The following RTL4 variants were observed in gnomAD, a reference collection of about 807,000 sequenced individuals.
The protein encoded by RTL4 is retrotransposon Gag like 4.
A neutral mutation model predicts 5.3 loss-of-function variants in RTL4; 4 were observed. The observed-to-expected ratio is 0.75, with a 90% confidence interval of 0.37 to 1.72. RTL4 has a LOEUF of 1.72. Ranked by LOEUF, RTL4 falls within the 40% of genes most tolerant of loss-of-function variation. RTL4 has a pLI of 0.04. For missense variants in RTL4, 260 were observed against 227.1 expected, an observed-to-expected ratio of 1.14 and a Z score of -0.93; for synonymous variants, 98 against 87.3, an observed-to-expected ratio of 1.12 and a Z score of -0.68.
the RTL4 span, among the ~76,000 whole-genome samples, chrX:112,184,381 G>A: frequency 9.0e-6 from 1 of 111,695 alleles, no homozygotes; most frequent in Non-Finnish European, 1.9e-5. Flanking sequence ...AAAAGGAAAA[G>A]AATTGTATTC....
the RTL4 span, among the ~76,000 whole-genome samples, chrX:112,353,926 C>A: frequency 7.0e-4 from 78 of 111,149 alleles, 1 homozygote; most frequent in African/African-American, 2.4e-3. Flanking sequence ...TAAAATTAAT[C>A]AGCAAATAAT....
chrX:112,256,735 C>A, the RTL4 span, among the ~76,000 whole-genome samples: 1 of 111,882 alleles, frequency 8.9e-6, no homozygotes. Context: ...GAGACTTACA[C>A]TTCTGTTGTT....
the RTL4 span, among the ~76,000 whole-genome samples, chrX:112,390,844 T>C: frequency 8.9e-6 from 1 of 112,104 alleles, no homozygotes; most frequent in Non-Finnish European, 1.9e-5. Flanking sequence ...CTGTATTTTC[T>C]GAATTTGACT....
At chrX:112,260,529 A>T in the RTL4 span, among the ~76,000 whole-genome samples, 635 of 111,678 alleles carry the variant, frequency 5.7e-3, 2 homozygotes, top group African/African-American at 0.019. Context: ...ATGGTTTTAA[A>T]AGGGGGATGG....
the RTL4 span, among the ~76,000 whole-genome samples, chrX:112,448,669 G>A: frequency 9.0e-6 from 1 of 111,293 alleles, no homozygotes; most frequent in Non-Finnish European, 1.9e-5. Flanking sequence ...TTCATGGAGA[G>A]ACTCGTCCCA....
the RTL4 span, among the ~76,000 whole-genome samples, chrX:112,193,451 A>G: frequency 9.0e-6 from 1 of 110,876 alleles, no homozygotes; most frequent in Non-Finnish European, 1.9e-5. Context: ...TACCTTTCTG[A>G]TGTTTTGTAT....
the RTL4 span, among the ~76,000 whole-genome samples, chrX:112,238,398 T>C: frequency 6.3e-5 from 7 of 111,947 alleles, no homozygotes; most frequent in African/African-American, 2.3e-4. Context: ...GATTGATATA[T>C]ACAGATCTAG....
chrX:112,294,136 G>GATA, the RTL4 span, among the ~76,000 whole-genome samples: 1 of 111,926 alleles, frequency 8.9e-6, no homozygotes, highest in Non-Finnish European at 1.9e-5. Context: ...ATATTTTGTA[G>GATA]ATAATTATGG....
At chrX:112,340,093 T>C in the RTL4 span, among the ~76,000 whole-genome samples, 5 of 112,288 alleles carry the variant, frequency 4.5e-5, no homozygotes, top group Non-Finnish European at 7.5e-5. Flanking sequence ...TCAGAGGGAA[T>C]CAAAAAATAA....
the RTL4 span, among the ~76,000 whole-genome samples, chrX:112,146,863 T>A: frequency 1.9e-5 from 2 of 106,363 alleles, no homozygotes; most frequent in Admixed American, 2.1e-4. Flanking sequence ...ATCATTATTA[T>A]CACTATCATC....
At chrX:112,347,064 C>T in the RTL4 span, among the ~76,000 whole-genome samples, 6 of 111,730 alleles carry the variant, frequency 5.4e-5, no homozygotes, top group Admixed American at 1.9e-4. Flanking sequence ...AAAAACCCGT[C>T]TGAAGTCTGG....
At chrX:112,371,193 T>C in the RTL4 span, among the ~76,000 whole-genome samples, 8 of 111,103 alleles carry the variant, frequency 7.2e-5, no homozygotes, top group African/African-American at 2.6e-4. Context: ...AGAAAATCAA[T>C]TACCAGATTC....
the RTL4 span, among the ~76,000 whole-genome samples, chrX:112,390,367 G>A: frequency 9.7e-6 from 1 of 102,763 alleles, no homozygotes; most frequent in East Asian, 3.1e-4. Flanking sequence ...CACGAGACTC[G>A]CTTGAACCCA....
chrX:112,095,886 T>A, the RTL4 span, among the ~76,000 whole-genome samples: 1 of 111,442 alleles, frequency 9.0e-6, no homozygotes, highest in African/African-American at 3.3e-5. Flanking sequence ...GATGGAAGGA[T>A]TTGGTGTGTA....
At chrX:112,434,574 G>C in the RTL4 span, among the ~76,000 whole-genome samples, 1 of 111,392 alleles carries the variant, frequency 9.0e-6, no homozygotes, top group African/African-American at 3.3e-5. Flanking sequence ...GGGATCGGTG[G>C]TGATATCCCC....
At chrX:112,448,814 T>C in the RTL4 span, among the ~76,000 whole-genome samples, 3 of 111,733 alleles carry the variant, frequency 2.7e-5, no homozygotes, top group African/African-American at 6.5e-5. Flanking sequence ...TATCTCAGTG[T>C]TTTGTTTTCT....
chrX:112,170,112 G>T, the RTL4 span, among the ~76,000 whole-genome samples: 2 of 111,793 alleles, frequency 1.8e-5, no homozygotes, highest in African/African-American at 6.5e-5. Flanking sequence ...TATTCCATTG[G>T]TCTTTGTGTC....
the RTL4 span, among the ~76,000 whole-genome samples, chrX:112,151,301 T>G: frequency 8.0e-5 from 9 of 111,846 alleles, no homozygotes; most frequent in Non-Finnish European, 1.7e-4. Context: ...CAGCAAATAT[T>G]CAATGGAAAA....
At chrX:112,392,184 C>T in the RTL4 span, among the ~76,000 whole-genome samples, 1 of 111,619 alleles carries the variant, frequency 9.0e-6, no homozygotes, top group African/African-American at 3.3e-5. Flanking sequence ...TTTCAGTTGC[C>T]CCTGGGGGCT....
Sources: gnomAD v4.1 joint callset for allele counts (sites outside exome capture counted in the v4.1 genomes callset) on GRCh38, gnomAD v4.1.1 for gene constraint, MANE v1.5 for transcripts, NCBI Gene and HGNC (gene_info 2026-07-23, HGNC 2026-07-21) for gene names.